Variants in MARCHF1 observed in about 807,000 individuals in gnomAD.
MARCHF1 encodes the protein membrane associated ring-CH-type finger 1.
MARCHF1 carries 40 observed loss-of-function variants against 54.2 expected under a neutral mutation model. The observed-to-expected ratio is 0.74, with a 90% CI of 0.57 to 0.96. MARCHF1 has a LOEUF of 0.96. Among genes scored for constraint, MARCHF1 ranks in the 40% least tolerant of loss-of-function variants. MARCHF1 has a pLI of 0.00. For synonymous variants in MARCHF1, 236 were observed against 236.3 expected (o/e 1.00, Z 0.01); for missense variants, 586 against 656.5 (o/e 0.89, Z 1.17).
chr4:163,674,766 A>G (rs1421566898), intron 5 of MARCHF1, among the ~76,000 whole-genome samples: 2 of 152,228 alleles, frequency 1.3e-5, no homozygotes, highest in African/African-American at 4.8e-5. Context: ...TATAATATGT[A>G]TATTTGTGCT....
intron 3 of MARCHF1, among the ~76,000 whole-genome samples, chr4:163,881,161 T>C (rs1239771276): frequency 1.3e-5 from 2 of 152,152 alleles, no homozygotes; most frequent in Non-Finnish European, 2.9e-5. Context: ...CAATTCACAT[T>C]GTCAAGTACA....
At chr4:163,635,816 C>T (rs1312937711) in intron 5 of MARCHF1, among the ~76,000 whole-genome samples, 2 of 152,116 alleles carry the variant, frequency 1.3e-5, no homozygotes, top group Non-Finnish European at 2.9e-5. Flanking sequence ...GACCAATATC[C>T]CTGATGAACA....
chr4:163,877,922 G>A (rs1274462272), intron 3 of MARCHF1, among the ~76,000 whole-genome samples: 1 of 152,174 alleles, frequency 6.6e-6, no homozygotes, highest in Non-Finnish European at 1.5e-5. Context: ...TTATGTGGGG[G>A]TGAAAGCATG....
At chr4:163,774,698 G>T (rs1178476721) in intron 4 of MARCHF1, among the ~76,000 whole-genome samples, 2 of 152,030 alleles carry the variant, frequency 1.3e-5, no homozygotes. Flanking sequence ...GTTTTATCAT[G>T]TTGGCCAGGC....
chr4:164,059,586 C>T (rs1754570480), intron 2 of MARCHF1, among the ~76,000 whole-genome samples: 1 of 152,142 alleles, frequency 6.6e-6, no homozygotes, highest in Non-Finnish European at 1.5e-5. Flanking sequence ...TGTGTATCAT[C>T]AAACTTAGCA....
chr4:164,112,678 C>G (rs1755858686), intron 1 of MARCHF1, among the ~76,000 whole-genome samples: 1 of 151,894 alleles, frequency 6.6e-6, no homozygotes, highest in Admixed American at 6.6e-5. Flanking sequence ...ACCGCTGACA[C>G]TGGGAACACA....
chr4:164,201,818 A>C (rs1731461730), intron 1 of MARCHF1, among the ~76,000 whole-genome samples: 1 of 152,228 alleles, frequency 6.6e-6, no homozygotes, highest in East Asian at 1.9e-4. Context: ...CTTGAATTTA[A>C]TGTCCAAATT....
chr4:163,696,101 AAGAG>A (rs1272166558), intron 5 of MARCHF1, among the ~76,000 whole-genome samples: 1 of 152,142 alleles, frequency 6.6e-6, no homozygotes, highest in Admixed American at 6.6e-5. Flanking sequence ...AAGAGAAAGA[AAGAG>A]AGAATCATAG....
At chr4:163,594,138 T>G (rs1023619328) in intron 7 of MARCHF1, among the ~76,000 whole-genome samples, 5 of 152,116 alleles carry the variant, frequency 3.3e-5, no homozygotes, top group Non-Finnish European at 7.3e-5. Flanking sequence ...GTAGAAAGTT[T>G]AATGGAAGAT....
At chr4:164,147,770 A>T (rs36066724) in intron 1 of MARCHF1, among the ~76,000 whole-genome samples, 119,963 of 143,770 alleles carry the variant, frequency 0.83, 50,587 homozygotes, top group Non-Finnish European at 0.89. Flanking sequence ...CATGTATACA[A>T]ATGTAACTAA....
chr4:163,656,605 CA>C (rs550675109), intron 5 of MARCHF1, among the ~76,000 whole-genome samples: 2 of 151,582 alleles, frequency 1.3e-5, no homozygotes, highest in South Asian at 4.2e-4. Flanking sequence ...ACAACAACAA[CA>C]AAAAAACTTC....
At chr4:163,701,814 T>TTTACCAATGTAAAATATTC (rs1221259386) in intron 4 of MARCHF1, among the ~76,000 whole-genome samples, 2 of 150,470 alleles carry the variant, frequency 1.3e-5, no homozygotes, top group African/African-American at 4.9e-5. Context: ...ATTGAAATAA[T>TTTACCAATGTAAAATATTC]TTACCAATGT....
Position 164,148,838 on chromosome 4 carries a change from A to G in MARCHF1, c.-322-37176T>C, listed in dbSNP as rs530923153. On this transcript the variant is annotated intron_variant, in intron 1 of 9. Coordinates refer to ENST00000514618, the MANE Select transcript of MARCHF1 (RefSeq NM_001394959.1). ...CCACCCATAACAATTAATATGGACA[A>G]AGACACTAACATGTCTCACAAGTGC... Among the ~76,000 whole-genome samples, 5 of 152,274 alleles carry G rather than the reference A, an allele frequency of 3.3e-5. No homozygotes were observed. The East Asian group carries it at 9.7e-4, about 29-fold the overall frequency.
At chr4:163,932,080 T>G (rs1254218357) in intron 3 of MARCHF1, among the ~76,000 whole-genome samples, 4 of 151,274 alleles carry the variant, frequency 2.6e-5, no homozygotes, top group Middle Eastern at 6.8e-3. Context: ...AACAAAACAA[T>G]GTACGTAATT....
rs938937256 is a variant in MARCHF1, at chr4:164,380,459, T to A, written c.-323+3411A>T. Among the ~76,000 whole-genome samples, 5 of 152,188 alleles carry A rather than the reference T, an allele frequency of 3.3e-5. No individual in the cohort carries two copies. In the East Asian group the frequency reaches 9.6e-4, roughly 29 times the overall value. The stretch of plus-strand genomic sequence containing the variant: ...AACTAATGTTTACAGACTCCGACCC[T>A]TGTCCTCAAGTACATGACAAAGTCA... On this transcript the variant is annotated intron_variant, in intron 1 of 9. Transcript: ENST00000514618.
At chr4:163,639,308 T>C (rs1742470802) in intron 5 of MARCHF1, among the ~76,000 whole-genome samples, 2 of 152,240 alleles carry the variant, frequency 1.3e-5, no homozygotes, top group Non-Finnish European at 2.9e-5. Flanking sequence ...AATAATTACA[T>C]GAGTTGCACT....
At chr4:164,027,401 A>T (rs1049928078) in intron 2 of MARCHF1, among the ~76,000 whole-genome samples, 1 of 142,882 alleles carries the variant, frequency 7.0e-6, no homozygotes, top group African/African-American at 2.5e-5. Context: ...AAAGATACAT[A>T]GATAAATGGA....
chr4:163,613,637 A>G (rs1303833542), intron 5 of MARCHF1: 7 of 1,417,870 alleles, frequency 4.9e-6, no homozygotes, highest in African/African-American at 1.4e-5. Flanking sequence ...AGAGAGGAAG[A>G]TGATTCCACA....
chr4:163,654,644 T>C (rs1441725758), intron 5 of MARCHF1, among the ~76,000 whole-genome samples: 10 of 151,712 alleles, frequency 6.6e-5, no homozygotes, highest in African/African-American at 2.2e-4. Flanking sequence ...AAGTCAATTT[T>C]GTCTGATATT....
Sources: allele counts gnomAD v4.1 joint callset (sites outside exome capture counted in the v4.1 genomes callset), GRCh38; gene constraint gnomAD v4.1.1; transcripts MANE v1.5; gene names NCBI Gene and HGNC (gene_info 2026-07-23, HGNC 2026-07-21).